MAGI2: variants seen among roughly 807,000 people sequenced by gnomAD.
MAGI2 encodes the protein membrane associated guanylate kinase, WW and PDZ domain containing 2.
Under a neutral mutation model 133.3 loss-of-function variants are expected in MAGI2, and 35 were observed. The ratio of observed to expected loss-of-function variants is 0.26; its 90% confidence interval spans 0.20 to 0.35. The LOEUF (loss-of-function observed/expected upper bound fraction) is 0.35, where lower values mean the gene tolerates loss of function less well. Ranked by LOEUF, MAGI2 falls within the 10% of genes least tolerant of loss-of-function variation. The pLI is 1.00. For synonymous variants in MAGI2, 729 were observed against 710.6 expected (o/e 1.03, Z -0.41); for missense variants, 1,636 against 1,863.4 (o/e 0.88, Z 2.25).
At chr7:79,390,460 G>T (rs1221299615) in intron 1 of MAGI2, among the ~76,000 whole-genome samples, 4 of 152,112 alleles carry the variant, frequency 2.6e-5, no homozygotes, top group African/African-American at 4.8e-5. Flanking sequence ...TAGAAATAGA[G>T]CAGCAATCCT....
chr7:78,389,118 C>T (rs540297887), intron 6 of MAGI2, among the ~76,000 whole-genome samples: 3 of 152,238 alleles, frequency 2.0e-5, no homozygotes, highest in Non-Finnish European at 4.4e-5. Flanking sequence ...AGATGAAGAA[C>T]ATGAAAGCTA....
At chr7:79,026,541 A>G (rs141873956) in intron 1 of MAGI2, among the ~76,000 whole-genome samples, 1 of 152,346 alleles carries the variant, frequency 6.6e-6, no homozygotes, top group African/African-American at 2.4e-5. Flanking sequence ...GAGGAACTCA[A>G]ACAACTCAAT....
chr7:78,293,129 C>G (rs1162155958), intron 9 of MAGI2, among the ~76,000 whole-genome samples: 3 of 152,134 alleles, frequency 2.0e-5, no homozygotes, highest in African/African-American at 7.2e-5. Flanking sequence ...AAAGAAACTA[C>G]CATCAGAGTG....
intron 3 of MAGI2, among the ~76,000 whole-genome samples, chr7:78,604,600 C>G (rs1300975904): frequency 6.6e-6 from 1 of 152,148 alleles, no homozygotes; most frequent in Non-Finnish European, 1.5e-5. Flanking sequence ...AGACATAAAT[C>G]CCTTATCAAG....
intron 10 of MAGI2, among the ~76,000 whole-genome samples, chr7:78,206,240 G>C (rs1829716249): frequency 6.6e-6 from 1 of 151,196 alleles, no homozygotes; most frequent in Non-Finnish European, 1.5e-5. Context: ...AATCTATCAT[G>C]ATATCGTCAA....
intron 2 of MAGI2, among the ~76,000 whole-genome samples, chr7:78,950,721 T>C (rs978317876): frequency 1.3e-5 from 2 of 152,180 alleles, no homozygotes; most frequent in Non-Finnish European, 2.9e-5. Flanking sequence ...TTTGTAGATA[T>C]AGTGATTTGC....
At chr7:79,214,638 T>C (rs1377899068) in intron 1 of MAGI2, among the ~76,000 whole-genome samples, 1 of 140,912 alleles carries the variant, frequency 7.1e-6, no homozygotes, top group Admixed American at 7.4e-5. Flanking sequence ...ATAAATTTTA[T>C]ATATTTATAA....
At chr7:78,673,373 G>T (rs1270979450) in intron 2 of MAGI2, among the ~76,000 whole-genome samples, 1 of 151,874 alleles carries the variant, frequency 6.6e-6, no homozygotes, top group African/African-American at 2.4e-5. Context: ...AATTATGAAG[G>T]TTGAGAGGTC....
chr7:78,952,985 T>C (rs1390178268), intron 2 of MAGI2, among the ~76,000 whole-genome samples: 1 of 152,158 alleles, frequency 6.6e-6, no homozygotes, highest in African/African-American at 2.4e-5. Flanking sequence ...GAAATATTTG[T>C]TAAAAATGGT....
chr7:79,109,986 C>T (rs1181271692), intron 1 of MAGI2, among the ~76,000 whole-genome samples: 1 of 152,220 alleles, frequency 6.6e-6, no homozygotes, highest in East Asian at 1.9e-4. Context: ...TCCTCACATC[C>T]TGGCAGATCT....
intron 21 of MAGI2, among the ~76,000 whole-genome samples, chr7:78,060,955 C>A (rs1421373371): frequency 6.6e-6 from 1 of 151,958 alleles, no homozygotes; most frequent in Non-Finnish European, 1.5e-5. Flanking sequence ...CACTTGAGGC[C>A]AGGAGTTCAA....
intron 20 of MAGI2, among the ~76,000 whole-genome samples, chr7:78,119,363 A>T (rs904739538): frequency 2.0e-5 from 3 of 152,034 alleles, no homozygotes; most frequent in Non-Finnish European, 2.9e-5. Flanking sequence ...GATAGAGACC[A>T]TCCTGGCTAA....
rs769241287 is a variant in MAGI2 at position 78,070,883 on chromosome 7, G to A, written c.3706+8064C>T. On this transcript the variant is annotated intron_variant, in intron 21 of 21. Coordinates refer to ENST00000354212, the MANE Select transcript of MAGI2 (RefSeq NM_012301.4). ...AGATGGGGTTTCACCATGTTGGCCA[G>A]GCTGGTTTAGAATTCCTGACCTCAG... 1.2e-3 allele frequency among the ~76,000 whole-genome samples: 183 copies of A among 152,054 alleles called. 1 individual carries two copies. The highest frequency in any genetic ancestry group is 2.0e-3 in the Non-Finnish European group (134 of 67,982).
chr7:78,675,463 C>T (rs961612678), intron 2 of MAGI2, among the ~76,000 whole-genome samples: 2 of 151,734 alleles, frequency 1.3e-5, no homozygotes, highest in African/African-American at 2.4e-5. Flanking sequence ...TATCAAGATG[C>T]GGAATTTAAA....
At chr7:78,844,491 G>C (rs80246277) in intron 2 of MAGI2, among the ~76,000 whole-genome samples, 1 of 151,804 alleles carries the variant, frequency 6.6e-6, no homozygotes, top group African/African-American at 2.4e-5. Context: ...AATAAAAAAG[G>C]ACAGAGTACT....
intron 2 of MAGI2, among the ~76,000 whole-genome samples, chr7:78,787,295 T>C (rs900045605): frequency 2.0e-5 from 3 of 152,118 alleles, no homozygotes; most frequent in Admixed American, 2.0e-4. Context: ...AACTGTGTCT[T>C]GGGGAGAAGG....
chr7:78,275,106 C>T (rs921879049), intron 9 of MAGI2, among the ~76,000 whole-genome samples: 2 of 152,196 alleles, frequency 1.3e-5, no homozygotes, highest in African/African-American at 4.8e-5. Flanking sequence ...CCTGGTCTGC[C>T]GGCTGTGAAG....
intron 6 of MAGI2, among the ~76,000 whole-genome samples, chr7:78,471,855 A>G (rs1246371662): frequency 6.6e-6 from 1 of 151,766 alleles, no homozygotes; most frequent in Non-Finnish European, 1.5e-5. Flanking sequence ...AACTCAGGAG[A>G]TGGAGGTTGC....
intron 2 of MAGI2, among the ~76,000 whole-genome samples, chr7:79,004,050 C>CA (rs1250911378): frequency 1.1e-4 from 17 of 152,048 alleles, no homozygotes; most frequent in Non-Finnish European, 2.2e-4. Flanking sequence ...GAAGATTTCT[C>CA]AAAAAACTGA....
Sources: allele counts gnomAD v4.1 joint callset (sites outside exome capture counted in the v4.1 genomes callset), GRCh38; gene constraint gnomAD v4.1.1; transcripts MANE v1.5; gene names NCBI Gene and HGNC (gene_info 2026-07-23, HGNC 2026-07-21).